The following ANKRD44 variants were observed in gnomAD, a reference collection of about 807,000 sequenced individuals.
ANKRD44 encodes serine/threonine-protein phosphatase 6 regulatory ankyrin repeat subunit B.
Under a neutral mutation model 116.0 loss-of-function variants are expected in ANKRD44, and 35 were observed. The ratio of observed to expected loss-of-function variants is 0.30; its 90% CI spans 0.23 to 0.40. The LOEUF (loss-of-function observed/expected upper bound fraction) is 0.40. Ranked by LOEUF, ANKRD44 falls within the 10% of genes least tolerant of loss-of-function variation. The pLI, the probability that ANKRD44 is intolerant of heterozygous loss-of-function variation, is 1.00. For synonymous variants in ANKRD44, 435 were observed against 461.8 expected, an observed-to-expected ratio of 0.94 and a Z score of 0.74; for missense variants, 1,014 against 1,242.6, an observed-to-expected ratio of 0.82 and a Z score of 2.77.
chr2:197,066,587 C>A (rs906720229), intron 16 of ANKRD44, among the ~76,000 whole-genome samples: 3 of 152,198 alleles, frequency 2.0e-5, no homozygotes, highest in East Asian at 1.9e-4. Context: ...GCAACTTCAG[C>A]AAAGTCTCAG....
intron 13 of ANKRD44, 38 bp downstream of exon 13, chr2:197,086,642 T>A (rs1286902409): frequency 6.3e-7 from 1 of 1,599,798 alleles, no homozygotes; most frequent in Non-Finnish European, 8.6e-7. Context: ...CAGTTCCTCT[T>A]ATTTAAGCAC....
chr2:197,077,740 C>T (rs772222231), intron 16 of ANKRD44: 1 of 152,148 alleles, frequency 6.6e-6, no homozygotes, highest in Non-Finnish European at 1.5e-5. Context: ...ACACTTCTAC[C>T]AATTATATTG....
At chr2:197,283,272 A>AT (rs1559217481) in intron 1 of ANKRD44, among the ~76,000 whole-genome samples, 1 of 152,202 alleles carries the variant, frequency 6.6e-6, no homozygotes, top group Non-Finnish European at 1.5e-5. Context: ...AACCTATTAA[A>AT]TTTTTTAAAG....
At chr2:197,083,637 A>G (rs2077849879) in intron 13 of ANKRD44, 128 bp from the exon 14 acceptor site, 1 of 906,030 alleles carries the variant, frequency 1.1e-6, no homozygotes, top group Admixed American at 3.1e-5. Context: ...GTGGAGGCCA[A>G]AGTCATGCCT....
chr2:197,061,306 A>G (rs111521617), intron 16 of ANKRD44, among the ~76,000 whole-genome samples: 6,027 of 152,270 alleles, frequency 0.04, 153 homozygotes, highest in Middle Eastern at 0.078. Flanking sequence ...CCGAACTCCC[A>G]TAAGCTCAGG....
intron 1 of ANKRD44, among the ~76,000 whole-genome samples, chr2:197,240,401 C>T (rs1190894099): frequency 6.7e-6 from 1 of 148,586 alleles, no homozygotes; most frequent in Non-Finnish European, 1.5e-5. Context: ...AAGAGCCAAG[C>T]CAAGACCTTC....
chr2:197,059,066 T>C (rs999907722), intron 16 of ANKRD44, among the ~76,000 whole-genome samples: 1 of 152,186 alleles, frequency 6.6e-6, no homozygotes, highest in Non-Finnish European at 1.5e-5. Flanking sequence ...CCCTGAATTA[T>C]ATTATCATGG....
At chr2:197,036,013 T>C (rs1266517136) in intron 16 of ANKRD44, among the ~76,000 whole-genome samples, 1 of 152,124 alleles carries the variant, frequency 6.6e-6, no homozygotes, top group African/African-American at 2.4e-5. Flanking sequence ...TCAACTCTCA[T>C]TCCAAGGTGG....
At chr2:197,037,133 C>T (rs761611422) in intron 16 of ANKRD44, among the ~76,000 whole-genome samples, 21 of 152,284 alleles carry the variant, frequency 1.4e-4, no homozygotes, top group Admixed American at 9.8e-4. Flanking sequence ...TACACCAAAA[C>T]GTTCATATGA....
chr2:197,027,348 C>G (rs189934760), intron 16 of ANKRD44, among the ~76,000 whole-genome samples: 1 of 152,104 alleles, frequency 6.6e-6, no homozygotes, highest in Non-Finnish European at 1.5e-5. Flanking sequence ...GGCAACAGAG[C>G]CAGACTCTGT....
chr2:197,097,846 A>C (rs1408958675), intron 10 of ANKRD44, among the ~76,000 whole-genome samples: 1 of 152,222 alleles, frequency 6.6e-6, no homozygotes, highest in African/African-American at 2.4e-5. Context: ...TCAGAGTGGA[A>C]TGTAATTCTT....
intron 21 of ANKRD44, among the ~76,000 whole-genome samples, chr2:196,975,625 TAAA>T (rs113571103): frequency 9.4e-5 from 10 of 106,320 alleles, no homozygotes; most frequent in African/African-American, 2.8e-4. Flanking sequence ...TTTTTTTTTT[TAAA>T]AAAAATACAA....
rs186955172 is a variant in ANKRD44 at position 197,248,147 on chromosome 2, A to G, written c.28-61041T>C. 2.8e-4 allele frequency among the ~76,000 whole-genome samples: 42 copies of G among 152,316 alleles called. 1 individual carries two copies. Among genetic ancestry groups the G allele is most frequent in the African/African-American group, 9.1e-4 (38 of 41,574 alleles). On this transcript the variant is annotated intron_variant, in intron 1 of 27. Coordinates refer to ENST00000282272, the MANE Select transcript of ANKRD44 (RefSeq NM_001195144.2). ...CAGGGACAGAGTGCAAAACGCAATT[A>G]TCTTTAACCTGGTTCGCTTTATGTG...
chr2:197,236,069 A>G (rs909379714), intron 1 of ANKRD44, among the ~76,000 whole-genome samples: 4 of 152,198 alleles, frequency 2.6e-5, no homozygotes, highest in Non-Finnish European at 5.9e-5. Context: ...GTGCTCCAAG[A>G]GATGAAAACC....
chr2:196,975,069 A>G (rs954212927), intron 21 of ANKRD44, among the ~76,000 whole-genome samples: 1 of 152,204 alleles, frequency 6.6e-6, no homozygotes, highest in African/African-American at 2.4e-5. Flanking sequence ...AACTTCTACC[A>G]CGACTAAAGA....
At position 197,282,742 on chromosome 2, in the gene ANKRD44, T is replaced by C. The variant is rs770365205; in HGVS notation, c.27+27836A>G. The stretch of plus-strand genomic sequence containing the variant: ...GGGAGGCCAAGACGAGCAGATCACC[T>C]GAGGCCAGGAGTTCGGGACCAGCCT... On this transcript the variant is annotated intron_variant, in intron 1 of 27. Transcript: ENST00000282272. Among the ~76,000 whole-genome samples, 13 of 152,314 alleles carry C rather than the reference T, an allele frequency of 8.5e-5. No individual in the cohort carries two copies. The East Asian group carries it at 2.1e-3, about 25-fold the overall frequency.
At chr2:196,992,839 ATACAT>A (rs1301465507) in intron 27 of ANKRD44, 5 of 152,814 alleles carry the variant, frequency 3.3e-5, no homozygotes, top group African/African-American at 1.2e-4. Flanking sequence ...AGTTACATTA[ATACAT>A]TATAATACTT....
chr2:197,018,653 T>A (rs535499761), intron 17 of ANKRD44, among the ~76,000 whole-genome samples: 2 of 152,342 alleles, frequency 1.3e-5, no homozygotes, highest in East Asian at 3.9e-4. Flanking sequence ...TTATTGTTTG[T>A]GATTGAAGGG....
intron 2 of ANKRD44, among the ~76,000 whole-genome samples, chr2:197,148,906 T>C (rs1273634400): frequency 6.6e-6 from 1 of 152,224 alleles, no homozygotes; most frequent in African/African-American, 2.4e-5. Flanking sequence ...AACCTTGTTA[T>C]AGATATATCA....
Sources: gnomAD v4.1 joint callset for allele counts (sites outside exome capture counted in the v4.1 genomes callset) on GRCh38, gnomAD v4.1.1 for gene constraint, MANE v1.5 for transcripts, NCBI Gene and HGNC (gene_info 2026-07-23, HGNC 2026-07-21) for gene names.